Variants in CFAP20DC observed in about 807,000 individuals in gnomAD.
CFAP20DC encodes the protein protein CFAP20DC.
CFAP20DC carries 84 observed loss-of-function variants against 101.7 expected under a neutral mutation model. The ratio of observed to expected loss-of-function variants is 0.83; its 90% CI spans 0.69 to 0.99. The LOEUF is 0.99. Ranked by LOEUF, CFAP20DC falls within the 50% of genes least tolerant of loss-of-function variation. CFAP20DC has a pLI of 0.00. For missense variants in CFAP20DC, 1,007 were observed against 970.3 expected, an observed-to-expected ratio of 1.04 and a Z score of -0.50; for synonymous variants, 359 against 351.2, an observed-to-expected ratio of 1.02 and a Z score of -0.25.
At chr3:58,862,821 C>A in intron 12 of CFAP20DC, 1 of 985,082 alleles carries the variant, frequency 1.0e-6, no homozygotes, top group Non-Finnish European at 1.2e-6. Flanking sequence ...GTATGAATGA[C>A]CATCGTTAAA....
In CFAP20DC at chr3:59,004,869, G is replaced by C. The variant is rs545866218; in HGVS notation, c.278+34688C>G. 4.6e-5 allele frequency among the ~76,000 whole-genome samples: 7 copies of C among 152,210 alleles called. No individual in the cohort carries two copies. The South Asian group carries it at 1.5e-3, about 32-fold the overall frequency. ...TAGTGGATACCAACCACAGAACTCT[G>C]TCTCCAACATCTAGTTCTAGGCCAG... is the stretch of plus-strand genomic sequence containing the variant. On this transcript the variant is annotated intron_variant, in intron 4 of 16. Transcript: ENST00000482387.
chr3:58,842,975 A>C (rs2077277504), intron 13 of CFAP20DC, among the ~76,000 whole-genome samples: 1 of 152,216 alleles, frequency 6.6e-6, no homozygotes, highest in Non-Finnish European at 1.5e-5. Context: ...AGGAAAACTA[A>C]CAAACAGAAA....
chr3:58,963,558 T>C (rs1205806121), intron 4 of CFAP20DC, among the ~76,000 whole-genome samples: 2 of 152,086 alleles, frequency 1.3e-5, no homozygotes, highest in South Asian at 2.1e-4. Context: ...ATGATTTTTA[T>C]ATATTCCCTT....
chr3:59,009,985 T>C (rs1189602110), intron 4 of CFAP20DC, among the ~76,000 whole-genome samples: 2 of 152,240 alleles, frequency 1.3e-5, no homozygotes, highest in Middle Eastern at 3.4e-3. Context: ...GGAGAATAAA[T>C]CTTTTTCAGA....
At chr3:58,842,295 C>A (rs1234036077) in intron 13 of CFAP20DC, among the ~76,000 whole-genome samples, 7 of 152,012 alleles carry the variant, frequency 4.6e-5, no homozygotes, top group African/African-American at 1.5e-4. Context: ...TGGGCGCAGG[C>A]CAGTGGGTGC....
chr3:58,793,282 T>C (rs546105109), intron 15 of CFAP20DC, among the ~76,000 whole-genome samples: 54 of 152,270 alleles, frequency 3.5e-4, no homozygotes, highest in African/African-American at 1.2e-3. Flanking sequence ...GACAGATTCA[T>C]TCCTTTCCTA....
rs1321844084 is a variant in CFAP20DC, at chr3:58,894,347, T to G, written c.551-9638A>C. Among the ~76,000 whole-genome samples the G allele has an allele frequency of 6.6e-6, 1 of 152,192 alleles. No individual in the cohort carries two copies. Among genetic ancestry groups the G allele is most frequent in the Non-Finnish European group, 1.5e-5 (1 of 68,038 alleles). ...GTAAAATCAAAAGCAAGTTAGTTAC[T>G]TCCTAGATACAACAGGGGTACAGGT... On this transcript the variant is annotated intron_variant, in intron 6 of 16. Coordinates refer to ENST00000482387, the MANE Select transcript of CFAP20DC (RefSeq NM_001394063.1). The surrounding 1 kb of genome is among the most constrained non-coding windows in gnomAD (Gnocchi z 4.1).
chr3:58,818,337 C>G (rs879301408), intron 14 of CFAP20DC, among the ~76,000 whole-genome samples: 3 of 147,958 alleles, frequency 2.0e-5, no homozygotes, highest in Non-Finnish European at 4.5e-5. Context: ...TTAAAAGACA[C>G]AGACTGGCAA....
At chr3:58,852,250 G>A (rs1438431031) in intron 12 of CFAP20DC, among the ~76,000 whole-genome samples, 1 of 152,220 alleles carries the variant, frequency 6.6e-6, no homozygotes, top group East Asian at 1.9e-4. Flanking sequence ...TCCATTGAAA[G>A]CTCTGCTCTT....
intron 15 of CFAP20DC, among the ~76,000 whole-genome samples, chr3:58,754,501 G>A (rs1485321323): frequency 2.6e-5 from 4 of 152,156 alleles, no homozygotes; most frequent in Non-Finnish European, 5.9e-5. Flanking sequence ...TTGAGTCACT[G>A]CATATTCTAC....
intron 5 of CFAP20DC, among the ~76,000 whole-genome samples, chr3:58,926,608 A>G (rs762434016): frequency 2.6e-5 from 4 of 152,142 alleles, no homozygotes; most frequent in Non-Finnish European, 4.4e-5. Context: ...AAAATTAAAC[A>G]CTATTAAAAA....
intron 6 of CFAP20DC, among the ~76,000 whole-genome samples, chr3:58,900,935 G>A (rs952127370): frequency 6.6e-6 from 1 of 152,188 alleles, no homozygotes; most frequent in African/African-American, 2.4e-5. Context: ...AGCACTTTAT[G>A]TATTAAAAAT....
chr3:58,993,338 G>T (rs2093002978), intron 4 of CFAP20DC, among the ~76,000 whole-genome samples: 1 of 152,136 alleles, frequency 6.6e-6, no homozygotes, highest in Admixed American at 6.5e-5. Context: ...CAGGAAACCA[G>T]TACCGTGTGA....
intron 4 of CFAP20DC, among the ~76,000 whole-genome samples, chr3:58,974,367 T>C (rs1279037420): frequency 6.6e-6 from 1 of 152,218 alleles, no homozygotes; most frequent in Non-Finnish European, 1.5e-5. Context: ...TATTTGGTTT[T>C]CTGTTCTGGT....
chr3:58,956,803 A>G (rs1386462670), intron 4 of CFAP20DC, among the ~76,000 whole-genome samples: 1 of 152,228 alleles, frequency 6.6e-6, no homozygotes. Context: ...CAGAAGGGGA[A>G]GCAGACACAT....
At chr3:58,815,604 G>A (rs1338244766) in intron 14 of CFAP20DC, among the ~76,000 whole-genome samples, 3 of 150,976 alleles carry the variant, frequency 2.0e-5, no homozygotes, top group Non-Finnish European at 3.0e-5. Context: ...TTCACAACCT[G>A]CTCATCTGAC....
chr3:58,890,147 C>A (rs980384035), intron 6 of CFAP20DC, among the ~76,000 whole-genome samples: 1 of 150,844 alleles, frequency 6.6e-6, no homozygotes, highest in African/African-American at 2.4e-5. Context: ...AGGCGCCCCT[C>A]ACCTCCCGGA....
chr3:58,915,444 A>G (rs928014159), intron 5 of CFAP20DC, among the ~76,000 whole-genome samples: 18 of 152,262 alleles, frequency 1.2e-4, no homozygotes, highest in African/African-American at 4.3e-4. Context: ...TCCTAGTCCT[A>G]AAAGACTTCT....
intron 6 of CFAP20DC, among the ~76,000 whole-genome samples, chr3:58,890,051 C>A: frequency 6.7e-6 from 1 of 150,294 alleles, no homozygotes. Flanking sequence ...CTGGCCCGTT[C>A]TCAATGAGCT....
Sources: gnomAD v4.1 joint callset for allele counts (sites outside exome capture counted in the v4.1 genomes callset) on GRCh38, gnomAD v4.1.1 for gene constraint, Gnocchi (gnomAD v3.1) non-coding constraint, MANE v1.5 for transcripts, NCBI Gene and HGNC (gene_info 2026-07-23, HGNC 2026-07-21) for gene names.